Variants in FOXP1 observed in about 807,000 individuals in gnomAD.
FOXP1 encodes forkhead box P1.
In FOXP1, 15 loss-of-function variants were observed where a neutral mutation model predicts 98.2. That is an observed-to-expected ratio of 0.15 (90% CI 0.10 to 0.24). The LOEUF is 0.24. Among genes scored for constraint, FOXP1 ranks in the 10% least tolerant of loss-of-function variants. The pLI, the probability that FOXP1 is intolerant of heterozygous loss-of-function variation, is 1.00. For synonymous variants in FOXP1, 371 were observed against 314.5 expected, an observed-to-expected ratio of 1.18 and a Z score of -1.90; for missense variants, 633 against 848.5, an observed-to-expected ratio of 0.75 and a Z score of 3.15.
In FOXP1 at chr3:71,057,287, G is replaced by A. The variant is rs964549777; in HGVS notation, c.283-3514C>T. ...CTCTTTAAAAGTATTCAGTAAAAAC[G>A]AAACTTTTTTTTTTTTTTTTTTTTT... On this transcript the variant is annotated intron_variant, in intron 7 of 20. Coordinates refer to ENST00000649528, the MANE Select transcript of FOXP1 (RefSeq NM_001349338.3). Among the ~76,000 whole-genome samples the A allele has an allele frequency of 3.5e-4, 14 of 40,522 alleles. No individual in the cohort carries two copies. In the East Asian group the frequency reaches 7.6e-3, roughly 22 times the overall value. The allele number at this position is 40,522 out of a possible 152,430, so 26.6% of individuals were successfully genotyped here.
chr3:71,164,502 A>G (rs1694831199), intron 6 of FOXP1, among the ~76,000 whole-genome samples: 1 of 152,160 alleles, frequency 6.6e-6, no homozygotes, highest in Non-Finnish European at 1.5e-5. Context: ...CCCGGTCCCG[A>G]CTGCTCTATT....
intron 2 of FOXP1, chr3:71,542,054 G>A (rs1471537963): frequency 1.1e-5 from 6 of 531,986 alleles, no homozygotes; most frequent in Non-Finnish European, 2.3e-5. Flanking sequence ...GCCAGGGTCT[G>A]TATAGAAAAC....
chr3:71,243,856 T>C (rs546120020), intron 5 of FOXP1, among the ~76,000 whole-genome samples: 5 of 152,300 alleles, frequency 3.3e-5, no homozygotes, highest in African/African-American at 1.2e-4. Flanking sequence ...AAGGCACAAT[T>C]AGTTAAAAAC....
chr3:71,270,303 A>C (rs113815800), intron 5 of FOXP1, among the ~76,000 whole-genome samples: 1 of 152,194 alleles, frequency 6.6e-6, no homozygotes, highest in Admixed American at 6.5e-5. Flanking sequence ...TGCTATTAGC[A>C]TTTCAGGGTG....
intron 3 of FOXP1, among the ~76,000 whole-genome samples, chr3:71,459,192 C>T (rs1028894868): frequency 1.3e-5 from 2 of 152,080 alleles, no homozygotes; most frequent in African/African-American, 2.4e-5. Context: ...TCTTAAAAGG[C>T]GTCTTTATGT....
Position 71,036,029 on chromosome 3 carries a change from T to C in FOXP1, c.869+5299A>G, listed in dbSNP as rs144017912. 1.0e-3 allele frequency among the ~76,000 whole-genome samples: 154 copies of C among 152,344 alleles called. 1 individual carries two copies. The highest frequency in any genetic ancestry group is 5.4e-4 in the Non-Finnish European group (37 of 68,022). On this transcript the variant is annotated intron_variant, in intron 11 of 20. Transcript: ENST00000649528. ...GACATGTACATGTTTCAAAGTTCCT[T>C]GCCTTTTGAAAATAACAAGGCCTGT...
intron 4 of FOXP1, among the ~76,000 whole-genome samples, chr3:71,317,731 C>T (rs2075161293): frequency 6.6e-6 from 1 of 151,898 alleles, no homozygotes; most frequent in South Asian, 2.1e-4. Flanking sequence ...GTACCTGTCC[C>T]CCCCACACAA....
intron 2 of FOXP1, among the ~76,000 whole-genome samples, chr3:71,560,599 G>C (rs1208803545): frequency 6.6e-6 from 1 of 152,132 alleles, no homozygotes; most frequent in Non-Finnish European, 1.5e-5. Flanking sequence ...ACAAAAATAT[G>C]TATATAAATG....
rs142365893 is a variant in FOXP1 at position 71,019,450 on chromosome 3, T to G, written c.870-3797A>C. Among the ~76,000 whole-genome samples, 28 of 152,316 alleles carry G rather than the reference T, an allele frequency of 1.8e-4. No individual in the cohort carries two copies. The East Asian group carries it at 5.2e-3, about 28-fold the overall frequency. ...CTTTAGGGTCAATTGTTTAATAAGG[T>G]GTATTTTACCACAAACTCCCAGGTT... On this transcript the variant is annotated intron_variant, in intron 11 of 20. Transcript: ENST00000649528.
intron 13 of FOXP1, among the ~76,000 whole-genome samples, chr3:70,996,811 C>G (rs1360315782): frequency 6.6e-6 from 1 of 152,120 alleles, no homozygotes; most frequent in African/African-American, 2.4e-5. Flanking sequence ...CGATGGGGCA[C>G]ATGTGTGGTC....
intron 2 of FOXP1, among the ~76,000 whole-genome samples, chr3:71,499,177 T>A (rs7638354): frequency 0.28 from 42,798 of 152,082 alleles, 6,417 homozygotes; most frequent in Non-Finnish European, 0.33. Flanking sequence ...TTTCTCTAGT[T>A]CTGAGTCCCT....
At chr3:71,038,117 C>T (rs765429855) in intron 11 of FOXP1, among the ~76,000 whole-genome samples, 8 of 152,246 alleles carry the variant, frequency 5.3e-5, no homozygotes, top group Admixed American at 3.3e-4. Context: ...GCAAAATGCA[C>T]GGGGGCAAGA....
chr3:71,082,607 C>G (rs1378451027), intron 7 of FOXP1, among the ~76,000 whole-genome samples: 4 of 136,628 alleles, frequency 2.9e-5, no homozygotes, highest in African/African-American at 1.1e-4. Flanking sequence ...ACATGTAACC[C>G]AGAACTTAAA....
intron 4 of FOXP1, among the ~76,000 whole-genome samples, chr3:71,340,503 T>A (rs551697302): frequency 2.0e-5 from 3 of 152,292 alleles, no homozygotes; most frequent in African/African-American, 7.2e-5. Flanking sequence ...AGTCAGAGAT[T>A]TAGCAACAAG....
At chr3:71,578,944 T>C (rs928478209) in intron 2 of FOXP1, among the ~76,000 whole-genome samples, 2 of 152,180 alleles carry the variant, frequency 1.3e-5, no homozygotes, top group African/African-American at 4.8e-5. Flanking sequence ...TTGCAGAAAA[T>C]TGCCTAATAG....
chr3:71,400,419 C>T (rs1560430508), intron 3 of FOXP1, among the ~76,000 whole-genome samples: 2 of 151,936 alleles, frequency 1.3e-5, no homozygotes, highest in Non-Finnish European at 2.9e-5. Flanking sequence ...TGCAGTGGTG[C>T]AATCTCGGCT....
At chr3:71,114,071 A>G (rs2058166132) in intron 6 of FOXP1, among the ~76,000 whole-genome samples, 1 of 152,238 alleles carries the variant, frequency 6.6e-6, no homozygotes, top group Non-Finnish European at 1.5e-5. Flanking sequence ...AATAATTTCT[A>G]TATGGTAACC....
intron 7 of FOXP1, among the ~76,000 whole-genome samples, chr3:71,096,757 A>C (rs11922208): frequency 0.029 from 4,411 of 152,284 alleles, 208 homozygotes; most frequent in African/African-American, 0.1. Context: ...GAAAATATTC[A>C]GAAGGACGAG....
chr3:71,407,098 C>T (rs1560440699), intron 3 of FOXP1, among the ~76,000 whole-genome samples: 2 of 152,256 alleles, frequency 1.3e-5, no homozygotes, highest in South Asian at 4.1e-4. Context: ...ATTCTAAATA[C>T]AGCAACTCCA....
Sources: gnomAD v4.1 joint callset for allele counts (sites outside exome capture counted in the v4.1 genomes callset) on GRCh38, gnomAD v4.1.1 for gene constraint, MANE v1.5 for transcripts, NCBI Gene and HGNC (gene_info 2026-07-23, HGNC 2026-07-21) for gene names.